The following RERE variants were observed in gnomAD, a reference collection of about 807,000 sequenced individuals.
RERE encodes the protein arginine-glutamic acid dipeptide repeats protein.
In RERE, 40 loss-of-function variants were observed where a neutral mutation model predicts 146.1. The observed-to-expected ratio is 0.27, with a 90% CI of 0.21 to 0.36. The LOEUF (loss-of-function observed/expected upper bound fraction) is 0.36. Ranked by LOEUF, RERE falls within the 10% of genes least tolerant of loss-of-function variation. The probability of loss-of-function intolerance (pLI) is 1.00; values close to 1 mark genes in which losing one functional copy is unlikely to be tolerated. For synonymous variants in RERE, 1,003 were observed against 866.0 expected (o/e 1.16, Z -2.78); for missense variants, 1,933 against 2,138.7 (o/e 0.90, Z 1.90).
intron 10 of RERE, among the ~76,000 whole-genome samples, chr1:8,493,873 C>T (rs1320673484): frequency 6.6e-6 from 1 of 152,126 alleles, no homozygotes; most frequent in East Asian, 1.9e-4. Flanking sequence ...ATCATTAGCT[C>T]TTCAGATTTA....
chr1:8,476,108 T>C (rs554405486), intron 10 of RERE, among the ~76,000 whole-genome samples: 185 of 152,302 alleles, frequency 1.2e-3, no homozygotes, highest in Non-Finnish European at 2.3e-3. Flanking sequence ...TGGAGTCACA[T>C]GGAAGAAAGG....
intron 7 of RERE, among the ~76,000 whole-genome samples, chr1:8,529,323 T>G (rs2124361917): frequency 7.4e-6 from 1 of 135,370 alleles, no homozygotes; most frequent in South Asian, 2.4e-4. Context: ...GGAGTCTCGC[T>G]CTGTTGCACA....
At chr1:8,713,817 T>TA (rs1458952674) in intron 1 of RERE, among the ~76,000 whole-genome samples, 1 of 152,180 alleles carries the variant, frequency 6.6e-6, no homozygotes, top group Non-Finnish European at 1.5e-5. Context: ...TACCTAACAT[T>TA]AAAGGTATTT....
At chr1:8,618,652 G>A (rs192902877) in intron 3 of RERE, among the ~76,000 whole-genome samples, 7 of 152,312 alleles carry the variant, frequency 4.6e-5, no homozygotes, top group Admixed American at 1.3e-4. Context: ...TCGATAATGC[G>A]TAAGTCTGAT....
chr1:8,701,210 G>C (rs1167882896), intron 1 of RERE, among the ~76,000 whole-genome samples: 1 of 151,652 alleles, frequency 6.6e-6, no homozygotes, highest in Non-Finnish European at 1.5e-5. Context: ...TACCATCACA[G>C]TCTTCCCTCC....
chr1:8,577,884 G>A (rs1646315793), intron 4 of RERE, among the ~76,000 whole-genome samples: 1 of 152,204 alleles, frequency 6.6e-6, no homozygotes, highest in African/African-American at 2.4e-5. Context: ...CCTGACGTCA[G>A]GAGTTTGAAA....
chr1:8,384,251 G>T (rs1642562347), intron 12 of RERE, among the ~76,000 whole-genome samples: 1 of 152,176 alleles, frequency 6.6e-6, no homozygotes, highest in African/African-American at 2.4e-5. Flanking sequence ...GATGCACGGA[G>T]GTCCAGTCTC....
At chr1:8,493,539 C>A (rs1387273297) in intron 10 of RERE, among the ~76,000 whole-genome samples, 1 of 152,096 alleles carries the variant, frequency 6.6e-6, no homozygotes, top group Admixed American at 6.6e-5. Flanking sequence ...TCCTCAAAAG[C>A]AAGCTGCACA....
chr1:8,687,830 T>C (rs1012282411), intron 1 of RERE, among the ~76,000 whole-genome samples: 2 of 151,780 alleles, frequency 1.3e-5, no homozygotes, highest in East Asian at 3.8e-4. Flanking sequence ...TTAAGCCAAT[T>C]ATATATTGCA....
At chr1:8,433,599 G>GGCGGAC (rs1644125717) in intron 11 of RERE, among the ~76,000 whole-genome samples, 1 of 144,632 alleles carries the variant, frequency 6.9e-6, no homozygotes, top group African/African-American at 2.7e-5. Context: ...TGTCGCCCAG[G>GGCGGAC]TCGGACTGCG....
intron 11 of RERE, chr1:8,465,034 T>G (rs1250485054): frequency 1.3e-5 from 2 of 152,242 alleles, no homozygotes; most frequent in Admixed American, 6.5e-5. Flanking sequence ...AATCAATAGG[T>G]GTATTAGTGC....
Position 8,359,744 on chromosome 1 carries a change from C to A in RERE, c.3618+20G>T, listed in dbSNP as rs376001175. On this transcript the variant is annotated intron_variant, in intron 19 of 22. Coordinates refer to ENST00000400908, the MANE Select transcript of RERE (RefSeq NM_001042681.2). ...GATGGACCAGCGCCCCCCGTCACACCTCGCCAACCCTGGACTCACAGCCGC... is the reference window on the plus strand; with the variant it reads ...GATGGACCAGCGCCCCCCGTCACACATCGCCAACCCTGGACTCACAGCCGC... 6.3e-7 allele frequency: 1 copy of A among 1,597,734 alleles called. No homozygotes were observed. The highest frequency in any genetic ancestry group is 1.1e-5 in the South Asian group (1 of 90,870).
chr1:8,689,447 G>A (rs1031413507), intron 1 of RERE, among the ~76,000 whole-genome samples: 1 of 152,118 alleles, frequency 6.6e-6, no homozygotes, highest in Admixed American at 6.5e-5. Flanking sequence ...ACCAATACCT[G>A]TATAAAAATG....
chr1:8,548,636 G>A (rs1023915724), intron 6 of RERE, among the ~76,000 whole-genome samples: 2 of 152,202 alleles, frequency 1.3e-5, no homozygotes, highest in Non-Finnish European at 2.9e-5. Context: ...TAGACAATGA[G>A]AACTGAGTTT....
At chr1:8,494,681 C>T (rs533039729) in intron 10 of RERE, among the ~76,000 whole-genome samples, 2 of 152,032 alleles carry the variant, frequency 1.3e-5, no homozygotes, top group African/African-American at 4.8e-5. Flanking sequence ...TGAGATCGCG[C>T]CACTGCCAGA....
intron 1 of RERE, among the ~76,000 whole-genome samples, chr1:8,738,597 C>T (rs1009702554): frequency 1.3e-5 from 2 of 152,166 alleles, no homozygotes; most frequent in African/African-American, 4.8e-5. Context: ...CTATCCCTGA[C>T]ACCCACCACA....
chr1:8,735,582 A>ATGGTT (rs1378401991), intron 1 of RERE, among the ~76,000 whole-genome samples: 7 of 152,130 alleles, frequency 4.6e-5, no homozygotes, highest in African/African-American at 1.7e-4. Flanking sequence ...CCATAATAAT[A>ATGGTT]TGGTTTGGAC....
chr1:8,556,850 A>T (rs1172341919), intron 5 of RERE, among the ~76,000 whole-genome samples: 1 of 152,196 alleles, frequency 6.6e-6, no homozygotes, highest in Non-Finnish European at 1.5e-5. Flanking sequence ...TGGAAAAAGA[A>T]GAAAAACAAC....
intron 4 of RERE, among the ~76,000 whole-genome samples, chr1:8,599,094 C>T (rs1264744932): frequency 6.6e-6 from 1 of 152,198 alleles, no homozygotes; most frequent in Non-Finnish European, 1.5e-5. Context: ...CAGGGGTCAC[C>T]CTCAGAGGCT....
Sources: gnomAD v4.1 joint callset for allele counts (sites outside exome capture counted in the v4.1 genomes callset) on GRCh38, gnomAD v4.1.1 for gene constraint, MANE v1.5 for transcripts, NCBI Gene and HGNC (gene_info 2026-07-23, HGNC 2026-07-21) for gene names.